Variants in ADH1B observed in about 807,000 individuals in gnomAD.
ADH1B encodes the protein all-trans-retinol dehydrogenase [NAD(+)] ADH1B.
Under a neutral mutation model 34.6 loss-of-function variants are expected in ADH1B, and 29 were observed. The ratio of observed to expected loss-of-function variants is 0.84; its 90% CI spans 0.62 to 1.14. The LOEUF is 1.14. Among genes scored for constraint, ADH1B ranks in the 50% most tolerant of loss-of-function variants. The pLI is 0.00. For missense variants in ADH1B, 424 were observed against 468.4 expected (o/e 0.91, Z 0.87); for synonymous variants, 170 against 175.5 (o/e 0.97, Z 0.25).
intron 2 of ADH1B, chr4:99,318,500 C>G (rs947743540): frequency 2.0e-6 from 1 of 507,760 alleles, no homozygotes; most frequent in Non-Finnish European, 3.4e-6. Context: ...TGGAAAATAT[C>G]TAATATTAAT....
At chr4:99,311,430 T>C in intron 7 of ADH1B, 91 bp downstream of exon 7, 1 of 1,411,380 alleles carries the variant, frequency 7.1e-7, no homozygotes. Flanking sequence ...GCCTTGTCAA[T>C]TGTAAAAGGG....
At position 99,305,559 on chromosome 4, in the gene ADH1B, GTGTATATATATATATA is replaced by G. The variant is rs1184827976; in HGVS notation, c.*2265_*2280del. 5.3e-4 allele frequency: 23 copies of G among 43,102 alleles called. 1 individual carries two copies. The highest frequency in any genetic ancestry group is 3.6e-3 in the South Asian group (6 of 1,652). The allele number at this position is 43,102 out of a possible 1,614,324, so 2.7% of individuals were successfully genotyped here. ...AACTATATGAACCACTTGCCCCATA[GTGTATATATATATATA>G]TATATATATATATATATATATATAT... On this transcript the variant is annotated 3_prime_UTR_variant, in exon 9 of 9. Coordinates refer to ENST00000305046, the MANE Select transcript of ADH1B (RefSeq NM_000668.6).
At chr4:99,317,852 T>C (rs747373458) in intron 3 of ADH1B, 194 bp downstream of exon 3, 1 of 827,524 alleles carries the variant, frequency 1.2e-6, no homozygotes, top group Non-Finnish European at 1.9e-6. Flanking sequence ...GGTTGAAGGG[T>C]ACAATACATG....
chr4:99,316,181 C>G (rs1272065876), intron 4 of ADH1B, 34 bp downstream of exon 4: 11 of 1,613,924 alleles, frequency 6.8e-6, no homozygotes, highest in East Asian at 2.2e-5. Flanking sequence ...TGTGCAAACT[C>G]AAAGTCTGTG....
chr4:99,313,821 C>A lies in ADH1B; in HGVS notation c.828G>T (p.Met276Ile), dbSNP rs1733810219. The A allele has an allele frequency of 6.2e-7, 1 of 1,613,990 alleles. No individual in the cohort carries two copies. Among genetic ancestry groups the A allele is most frequent in the Non-Finnish European group, 8.5e-7 (1 of 1,179,892 alleles). Residue 276 changes from methionine to isoleucine, a missense_variant and splice_region_variant, in exon 6 of 9, where the codon ATG becomes ATT. Met to Ile is a conservative substitution (Grantham distance 10). Around this residue, in one of 3 missense-constraint regions of ADH1B, gnomAD observed 130 missense variants for 151.8 expected, o/e 0.86. Coordinates refer to ENST00000305046, the MANE Select transcript of ADH1B (RefSeq NM_000668.6). ...TCTCAGGGCATGTCATGGTACATAC[C>A]ATGGTGTCAAGCCGACCGATGACTT... Reference protein sequence around the residue: ...SFEVIGRLDTMMASLLCCHEA... With the variant: ...SFEVIGRLDTIMASLLCCHEA...
chr4:99,320,300 T>C, intron 1 of ADH1B: 1 of 152,272 alleles, frequency 6.6e-6, no homozygotes, highest in East Asian at 1.9e-4. Flanking sequence ...ATTGGATATT[T>C]GGTGTTCCAT....
At chr4:99,309,814 A>T (rs1467831848) in intron 8 of ADH1B, among the ~76,000 whole-genome samples, 1 of 152,064 alleles carries the variant, frequency 6.6e-6, no homozygotes, top group Non-Finnish European at 1.5e-5. Context: ...TGAGACTGAC[A>T]CTGAGCATTG....
chr4:99,313,812 G>A lies in ADH1B; in HGVS notation c.828+9C>T, dbSNP rs1446151438. 2 of 1,613,890 alleles carry A rather than the reference G, an allele frequency of 1.2e-6. No homozygotes were observed. The highest frequency in any genetic ancestry group is 2.7e-5 in the African/African-American group (2 of 74,914). ...AGGCAGAAATCTCAGGGCATGTCAT[G>A]GTACATACCATGGTGTCAAGCCGAC... On this transcript the variant is annotated intron_variant, in intron 6 of 8. Transcript: ENST00000305046.
At position 99,313,981 on chromosome 4, in the gene ADH1B, A is replaced by C; in HGVS notation, c.668T>G (p.Val223Gly). 6.2e-7 allele frequency: 1 copy of C among 1,614,194 alleles called. No homozygotes were observed. The highest frequency in any genetic ancestry group is 8.5e-7 in the Non-Finnish European group (1 of 1,180,032). The change falls in exon 6 of 9, where the codon GTG (valine) becomes GGG (glycine). Residue 223 changes from valine (V) to glycine (G), a missense_variant. Transcript: ENST00000305046. ...KAAGAARIIAVDINKDKFAKA... is the reference protein window; with the variant it reads ...KAAGAARIIAGDINKDKFAKA... Reference sequence around the variant, plus strand: ...TGCAAATTTGTCCTTGTTGATGTCCACCGCAATGATTCTGGCTGCTCCAGC... The same window carrying C: ...TGCAAATTTGTCCTTGTTGATGTCCCCCGCAATGATTCTGGCTGCTCCAGC...
At chr4:99,308,733 C>G (rs1733677268) in intron 8 of ADH1B, among the ~76,000 whole-genome samples, 1 of 151,780 alleles carries the variant, frequency 6.6e-6, no homozygotes. Context: ...GCACATAATT[C>G]AGAGAATACA....
intron 1 of ADH1B, chr4:99,320,932 T>C: frequency 1.6e-6 from 2 of 1,257,676 alleles, no homozygotes; most frequent in Non-Finnish European, 2.0e-6. Context: ...CATAAAAAAT[T>C]TGAATAAAAA....
intron 3 of ADH1B, chr4:99,316,530 A>G (rs1348390590): frequency 1.1e-5 from 6 of 547,816 alleles, no homozygotes; most frequent in African/African-American, 1.9e-5. Context: ...GTGGGAGACC[A>G]CACAGATTAA....
At chr4:99,318,730 A>T in intron 2 of ADH1B, 55 bp downstream of exon 2, 1 of 1,513,312 alleles carries the variant, frequency 6.6e-7, no homozygotes, top group Non-Finnish European at 9.0e-7. Context: ...TCCATTTTTA[A>T]TGTTCTCTGA....
chr4:99,318,573 G>A, intron 2 of ADH1B: 1 of 547,198 alleles, frequency 1.8e-6, no homozygotes, highest in East Asian at 3.3e-5. Context: ...AAATTCTTTT[G>A]TATTTTACTG....
rs1464044607 is a variant in ADH1B, at chr4:99,321,354, A to G, written c.-23T>C. On this transcript the variant is annotated 5_prime_UTR_variant, in exon 1 of 9. Coordinates refer to ENST00000305046, the MANE Select transcript of ADH1B (RefSeq NM_000668.6). Reference sequence around the variant, plus strand: ...CATGTCGTTTCTGTCTTCTCTGCCCACCAGCAGACTGTGAGTCTTTGTGGA... The same window carrying G: ...CATGTCGTTTCTGTCTTCTCTGCCCGCCAGCAGACTGTGAGTCTTTGTGGA... The G allele has an allele frequency of 6.2e-7, 1 of 1,610,562 alleles. No individual in the cohort carries two copies. Among genetic ancestry groups the G allele is most frequent in the Non-Finnish European group, 8.5e-7 (1 of 1,177,782 alleles).
intron 6 of ADH1B, 72 bp from the exon 7 acceptor site, chr4:99,311,728 T>C: frequency 1.3e-6 from 2 of 1,570,208 alleles, no homozygotes; most frequent in Non-Finnish European, 1.7e-6. Flanking sequence ...CACAATATCA[T>C]GTAATAGGCT....
chr4:99,306,947 A>G lies in ADH1B; in HGVS notation c.*893T>C, dbSNP rs1456873181. ...CAATTTTACATTCTGCATTCACAGCATTTGCCATCCCATCTCTACACTTAA... is the reference window on the plus strand; with the variant it reads ...CAATTTTACATTCTGCATTCACAGCGTTTGCCATCCCATCTCTACACTTAA... On this transcript the variant is annotated 3_prime_UTR_variant, in exon 9 of 9. Coordinates refer to ENST00000305046, the MANE Select transcript of ADH1B (RefSeq NM_000668.6). 6.6e-6 allele frequency: 1 copy of G among 152,140 alleles called. No individual in the cohort carries two copies. The highest frequency in any genetic ancestry group is 1.9e-4 in the East Asian group (1 of 5,188). The allele number at this position is 152,140 out of a possible 1,614,324, so 9.4% of individuals were successfully genotyped here.
Position 99,306,657 on chromosome 4 carries a change from C to T in ADH1B, c.*1183G>A, listed in dbSNP as rs1229964795. ...AGAGATAAAGCTCAAAATGCAAATCCTTCCCCTGAGAGTGGGAAAGCATTA... is the reference window on the plus strand; with the variant it reads ...AGAGATAAAGCTCAAAATGCAAATCTTTCCCCTGAGAGTGGGAAAGCATTA... On this transcript the variant is annotated 3_prime_UTR_variant, in exon 9 of 9. Transcript: ENST00000305046. 6.7e-6 allele frequency: 1 copy of T among 149,528 alleles called. No individual in the cohort carries two copies. Among genetic ancestry groups the T allele is most frequent in the Non-Finnish European group, 1.5e-5 (1 of 67,490 alleles). The allele number at this position is 149,528 out of a possible 1,614,324, so 9.3% of individuals were successfully genotyped here. A position where few individuals can be genotyped will look rare whatever the true frequency, so the allele number is the denominator to read the frequency against.
Position 99,318,198 on chromosome 4 carries a change from A to G in ADH1B, c.121-14T>C. 1 of 1,613,804 alleles carries G rather than the reference A, an allele frequency of 6.2e-7. No individual in the cohort carries two copies. Among genetic ancestry groups the G allele is most frequent in the South Asian group, 1.1e-5 (1 of 90,990 alleles). On this transcript the variant is annotated splice_polypyrimidine_tract_variant and intron_variant, in intron 2 of 8. Coordinates refer to ENST00000305046, the MANE Select transcript of ADH1B (RefSeq NM_000668.6). ...TACAGCCACCATCTACAGAATAAAG[A>G]GAAGCTGTTCAGATTCAGAAAAGAT...
Sources: allele counts gnomAD v4.1 joint callset (sites outside exome capture counted in the v4.1 genomes callset), GRCh38; gene constraint gnomAD v4.1.1; regional missense constraint gnomAD v4.1.1; transcripts MANE v1.5; gene names NCBI Gene and HGNC (gene_info 2026-07-23, HGNC 2026-07-21).